R3HDM1: variants seen among roughly 807,000 people sequenced by gnomAD.
The protein encoded by R3HDM1 is R3H domain-containing protein 1.
A neutral mutation model predicts 141.1 loss-of-function variants in R3HDM1; 46 were observed. The ratio of observed to expected loss-of-function variants is 0.33; its 90% CI spans 0.26 to 0.42. The LOEUF is 0.42. Ranked by LOEUF, R3HDM1 falls within the 10% of genes least tolerant of loss-of-function variation. R3HDM1 has a pLI of 1.00. For synonymous variants in R3HDM1, 435 were observed against 472.9 expected (o/e 0.92, Z 1.04); for missense variants, 1,184 against 1,368.3 (o/e 0.87, Z 2.12).
At chr2:135,654,310 AACAC>A (rs1340392363) in intron 18 of R3HDM1, among the ~76,000 whole-genome samples, 4 of 151,392 alleles carry the variant, frequency 2.6e-5, no homozygotes, top group Admixed American at 1.3e-4. Flanking sequence ...CACACACACA[AACAC>A]ACACACACAG....
intron 26 of R3HDM1, among the ~76,000 whole-genome samples, chr2:135,723,316 T>C (rs1354957490): frequency 6.7e-6 from 1 of 150,012 alleles, no homozygotes; most frequent in Admixed American, 6.7e-5. Flanking sequence ...AGAGACGGGG[T>C]TTCACCATGT....
At chr2:135,676,376 T>G (rs894769262) in intron 20 of R3HDM1, among the ~76,000 whole-genome samples, 3 of 152,236 alleles carry the variant, frequency 2.0e-5, no homozygotes, top group African/African-American at 7.2e-5. Flanking sequence ...ATACCTATTA[T>G]TTGATGAATA....
chr2:135,706,978 C>T (rs1027601321), intron 21 of R3HDM1, among the ~76,000 whole-genome samples: 31 of 152,216 alleles, frequency 2.0e-4, no homozygotes, highest in African/African-American at 7.2e-4. Context: ...CCCTCACCTC[C>T]CGGACGGGGC....
intron 18 of R3HDM1, among the ~76,000 whole-genome samples, chr2:135,655,743 C>A (rs552493626): frequency 8.3e-4 from 126 of 152,216 alleles, no homozygotes; most frequent in African/African-American, 2.8e-3. Flanking sequence ...ATCCGCCCGC[C>A]TCGGCCTCCC....
chr2:135,721,478 C>G (rs868339344), intron 24 of R3HDM1: 1 of 167,310 alleles, frequency 6.0e-6, no homozygotes, highest in Non-Finnish European at 1.3e-5. Flanking sequence ...ACCCTGTCTC[C>G]AAAAGAAAAA....
rs142546362 is a variant in R3HDM1 at position 135,699,523 on chromosome 2, T to TACAGATATGGGTAGATGG, written c.2460-9908_2460-9891dup. Among the ~76,000 whole-genome samples the TACAGATATGGGTAGATGG allele has an allele frequency of 0.01, 1,589 of 152,236 alleles. 88 individuals are homozygous for TACAGATATGGGTAGATGG. In the East Asian group the frequency reaches 0.19, roughly 18 times the overall value. The stretch of plus-strand genomic sequence containing the variant: ...AACGAGGACAAGGAGAGTATAAGGA[T>TACAGATATGGGTAGATGG]ACAGATATGGGTAGATGGATAGATA... On this transcript the variant is annotated intron_variant, in intron 21 of 26. Transcript: ENST00000683871.
At chr2:135,540,469 A>C (rs1320465711) in intron 1 of R3HDM1, among the ~76,000 whole-genome samples, 1 of 152,248 alleles carries the variant, frequency 6.6e-6, no homozygotes, top group Non-Finnish European at 1.5e-5. Context: ...TCTGTTGCCC[A>C]GGTTGGAGTG....
intron 1 of R3HDM1, chr2:135,597,006 G>A: frequency 2.0e-6 from 2 of 982,452 alleles, no homozygotes; most frequent in Non-Finnish European, 1.2e-6. Context: ...ATGTATGAGA[G>A]GCCCATTGTC....
chr2:135,634,164 T>G (rs1213565011), intron 9 of R3HDM1, among the ~76,000 whole-genome samples: 2 of 152,210 alleles, frequency 1.3e-5, no homozygotes, highest in Non-Finnish European at 2.9e-5. Context: ...TTTCTTTTAC[T>G]TCTTACATAT....
intron 21 of R3HDM1, among the ~76,000 whole-genome samples, chr2:135,708,352 C>T (rs1020167895): frequency 6.6e-6 from 1 of 151,988 alleles, no homozygotes; most frequent in African/African-American, 2.4e-5. Context: ...TGGATTTTAC[C>T]GATTGCGTCA....
chr2:135,565,800 G>T, intron 1 of R3HDM1: 1 of 152,824 alleles, frequency 6.5e-6, no homozygotes, highest in South Asian at 1.8e-4. Context: ...GGGGTGATCA[G>T]ACCCAACACC....
chr2:135,716,820 C>T (rs934990980), intron 24 of R3HDM1, among the ~76,000 whole-genome samples: 7 of 152,072 alleles, frequency 4.6e-5, no homozygotes, highest in Non-Finnish European at 8.8e-5. Flanking sequence ...GGCGTGGTGG[C>T]AGGCACCTAT....
At chr2:135,640,411 A>G (rs950845114) in intron 14 of R3HDM1, among the ~76,000 whole-genome samples, 1 of 152,230 alleles carries the variant, frequency 6.6e-6, no homozygotes, top group Non-Finnish European at 1.5e-5. Flanking sequence ...ATCATAACAG[A>G]AAAAGCTATT....
At chr2:135,650,750 T>C (rs1214986884) in intron 17 of R3HDM1, 1 of 982,156 alleles carries the variant, frequency 1.0e-6, no homozygotes, top group East Asian at 1.1e-4. Context: ...AAATCAGGCA[T>C]CTCCTTTCAG....
intron 4 of R3HDM1, among the ~76,000 whole-genome samples, 162 bp from the exon 5 acceptor site, chr2:135,616,506 A>G (rs1313924445): frequency 6.6e-6 from 1 of 152,178 alleles, no homozygotes; most frequent in African/African-American, 2.4e-5. Flanking sequence ...CCTTCTTAAC[A>G]AAGGCCTTCA....
At chr2:135,638,476 CATT>C (rs2063477382) in intron 11 of R3HDM1, 139 bp from the exon 12 acceptor site, 1 of 786,770 alleles carries the variant, frequency 1.3e-6, no homozygotes, top group South Asian at 2.1e-5. Context: ...AAAAAAATTC[CATT>C]ATTATTTATT....
At chr2:135,616,362 G>T (rs1390463050) in intron 4 of R3HDM1, among the ~76,000 whole-genome samples, 169 bp downstream of exon 4, 1 of 152,058 alleles carries the variant, frequency 6.6e-6, no homozygotes, top group Non-Finnish European at 1.5e-5. Flanking sequence ...TCGCTTTTGT[G>T]CATTGCTTTT....
In R3HDM1 at chr2:135,631,764, A is replaced by G; in HGVS notation, c.544A>G (p.Ile182Val). ...ATTGGAACAAGAAATTTTAGATTTC[A>G]TTGGTAATAATGAGTAAGTCCTGAC... ...LKLEQEILDF[I>V]GNNESPRKKF... Residue 182 changes from isoleucine (I) to valine (V), a missense_variant, in exon 8 of 27, where the codon ATT (isoleucine) becomes GTT (valine). By Grantham distance (29) the Ile-to-Val change is conservative. Coordinates refer to ENST00000683871, the MANE Select transcript of R3HDM1 (RefSeq NM_001378107.1). 6.4e-7 allele frequency: 1 copy of G among 1,567,524 alleles called. No individual in the cohort carries two copies. Among genetic ancestry groups the G allele is most frequent in the South Asian group, 1.2e-5 (1 of 82,474 alleles).
At chr2:135,692,616 T>G (rs2072604479) in intron 21 of R3HDM1, among the ~76,000 whole-genome samples, 1 of 152,138 alleles carries the variant, frequency 6.6e-6, no homozygotes, top group Non-Finnish European at 1.5e-5. Flanking sequence ...AACATTATGC[T>G]TAAACTTTTT....
Sources: gnomAD v4.1 joint callset for allele counts (sites outside exome capture counted in the v4.1 genomes callset) on GRCh38, gnomAD v4.1.1 for gene constraint, MANE v1.5 for transcripts, NCBI Gene and HGNC (gene_info 2026-07-23, HGNC 2026-07-21) for gene names.